The following SCN3B variants were observed in gnomAD, a reference collection of about 807,000 sequenced individuals.
SCN3B encodes the protein sodium voltage-gated channel beta subunit 3, also known as sodium channel regulatory subunit beta-3.
A neutral mutation model predicts 25.4 loss-of-function variants in SCN3B; 11 were observed. The ratio of observed to expected loss-of-function variants is 0.43; its 90% CI spans 0.27 to 0.72. SCN3B has a LOEUF of 0.72. SCN3B is among the 30% of genes least tolerant of loss of function. The pLI, the probability that SCN3B is intolerant of heterozygous loss-of-function variation, is 0.18. For missense variants in SCN3B, 218 were observed against 278.3 expected (o/e 0.78, Z 1.54); for synonymous variants, 109 against 110.7 (o/e 0.99, Z 0.09).
In SCN3B at chr11:123,633,046, T is replaced by C. The variant is rs1480556851; in HGVS notation, c.*753A>G. 6.6e-6 allele frequency: 1 copy of C among 152,210 alleles called. No homozygotes were observed. Among genetic ancestry groups the C allele is most frequent in the African/African-American group, 2.4e-5 (1 of 41,450 alleles). The allele number at this position is 152,210 out of a possible 1,614,324, so 9.4% of individuals were successfully genotyped here. On this transcript the variant is annotated 3_prime_UTR_variant, in exon 7 of 7. Transcript: ENST00000299333. ...CCACAGGGAGGGCACACATACATTATCGCAATAGGATCAGGAACGTGTCCA... is the reference window on the plus strand; with the variant it reads ...CCACAGGGAGGGCACACATACATTACCGCAATAGGATCAGGAACGTGTCCA...
intron 2 of SCN3B, among the ~76,000 whole-genome samples, chr11:123,651,892 C>G (rs1296053114): frequency 6.6e-6 from 1 of 152,206 alleles, no homozygotes; most frequent in Non-Finnish European, 1.5e-5. Context: ...TACCATTCAT[C>G]TGTGGAGCTG....
chr11:123,638,135 G>A, intron 5 of SCN3B, 51 bp downstream of exon 5: 1 of 1,608,498 alleles, frequency 6.2e-7, no homozygotes. Context: ...GTGAGAGCAA[G>A]CATTCTGAAG....
chr11:123,645,587 A>T lies in SCN3B; in HGVS notation c.219T>A (p.Leu73=). The change falls in exon 3 of 7, where the codon CTT becomes CTA. Residue 73 remains leucine (L), a splice_region_variant and synonymous_variant. Transcript: ENST00000299333. ...FYRPEGGKDF[L]IYEYRNGHQE... ...GGCCAGAGTCAGCAGTCTAACATAC[A>T]AGGAAATCTTTACCGCCCTCGGGCC... The T allele has an allele frequency of 6.2e-7, 1 of 1,614,104 alleles. No individual in the cohort carries two copies. The highest frequency in any genetic ancestry group is 8.5e-7 in the Non-Finnish European group (1 of 1,180,000).
intron 2 of SCN3B, 58 bp from the exon 3 acceptor site, chr11:123,645,808 G>A (rs1955848030): frequency 1.3e-6 from 2 of 1,580,442 alleles, no homozygotes; most frequent in Non-Finnish European, 1.7e-6. Context: ...AGGGGCACAG[G>A]AGAGAAACAT....
chr11:123,631,631 C>G lies in SCN3B; in HGVS notation c.*2168G>C, dbSNP rs1055233337. 3 of 152,066 alleles carry G rather than the reference C, an allele frequency of 2.0e-5. No individual in the cohort carries two copies. Among genetic ancestry groups the G allele is most frequent in the African/African-American group, 7.3e-5 (3 of 41,368 alleles). 9.4% of individuals were successfully genotyped at this position (152,066 alleles called of 1,614,324 possible). A position where few individuals can be genotyped will look rare whatever the true frequency, so the allele number is the denominator to read the frequency against. ...TTGCTTGAGCCCAGGAGTTCAAGAT[C>G]AGCCTGGGCGACATGGCAAGACCCC... On this transcript the variant is annotated 3_prime_UTR_variant, in exon 7 of 7. Coordinates refer to ENST00000299333, the MANE Select transcript of SCN3B (RefSeq NM_001040151.2).
intron 2 of SCN3B, among the ~76,000 whole-genome samples, chr11:123,652,361 TGA>T (rs1955936358): frequency 6.6e-6 from 1 of 152,238 alleles, no homozygotes; most frequent in East Asian, 1.9e-4. Context: ...CCTTTGGGGC[TGA>T]CATTACCTCC....
Position 123,654,398 on chromosome 11 carries a change from C to G in SCN3B, c.-198G>C, listed in dbSNP as rs570399225. On this transcript the variant is annotated 5_prime_UTR_variant, in exon 1 of 7. Transcript: ENST00000299333. ...TCCACGTCGGTCCCGTCCACGCCCG[C>G]CCTCGGCTCCCTGGGGAGGTGCAGC... 1 of 156,888 alleles carries G rather than the reference C, an allele frequency of 6.4e-6. No homozygotes were observed. Among genetic ancestry groups the G allele is most frequent in the African/African-American group, 2.4e-5 (1 of 41,630 alleles). 9.7% of individuals were successfully genotyped at this position (156,888 alleles called of 1,614,324 possible).
chr11:123,635,870 C>T (rs548749390), intron 5 of SCN3B, among the ~76,000 whole-genome samples: 5 of 152,292 alleles, frequency 3.3e-5, no homozygotes, highest in African/African-American at 7.2e-5. Context: ...GGACCTATGG[C>T]GCCTGCAAAG....
At chr11:123,638,519 G>A (rs1955754301) in intron 4 of SCN3B, 195 bp from the exon 5 acceptor site, 1 of 690,390 alleles carries the variant, frequency 1.4e-6, no homozygotes. Flanking sequence ...AGGAGCCAGG[G>A]AAGAGGGAGT....
chr11:123,647,989 A>G (rs568948274), intron 2 of SCN3B, among the ~76,000 whole-genome samples: 21 of 152,374 alleles, frequency 1.4e-4, no homozygotes, highest in Non-Finnish European at 2.9e-4. Flanking sequence ...GATCAGAAAC[A>G]TCTTCAGCAT....
intron 2 of SCN3B, among the ~76,000 whole-genome samples, chr11:123,648,268 A>G (rs145946902): frequency 3.2e-4 from 48 of 152,346 alleles, no homozygotes; most frequent in African/African-American, 1.0e-3. Flanking sequence ...CTGGCAACTG[A>G]AGAGTTGGGT....
chr11:123,641,628 C>T (rs1314875916), intron 4 of SCN3B, among the ~76,000 whole-genome samples: 5 of 152,048 alleles, frequency 3.3e-5, no homozygotes, highest in East Asian at 1.9e-4. Flanking sequence ...TGCAGGACTC[C>T]GGTTGCAACA....
chr11:123,637,416 C>G (rs1325004084), intron 5 of SCN3B, among the ~76,000 whole-genome samples: 1 of 152,202 alleles, frequency 6.6e-6, no homozygotes. Flanking sequence ...GACCTGGGTT[C>G]AAATCTCAGC....
In SCN3B at chr11:123,644,784, AGAGAGAGAGAGAGAGAATATATATATAT is replaced by A. The variant is rs1955828229; in HGVS notation, c.219+775_219+802del. Among the ~76,000 whole-genome samples, 11 of 96,666 alleles carry A rather than the reference AGAGAGAGAGAGAGAGAATATATATATAT, an allele frequency of 1.1e-4. 2 individuals are homozygous for A. In the South Asian group the frequency reaches 4.8e-3, roughly 43 times the overall value. The allele number at this position is 96,666 out of a possible 152,430, so 63.4% of individuals were successfully genotyped here. On this transcript the variant is annotated intron_variant, in intron 3 of 6. Coordinates refer to ENST00000299333, the MANE Select transcript of SCN3B (RefSeq NM_001040151.2). ...ACCCCGTTGAGAGAGAGAGAGAGAG[AGAGAGAGAGAGAGAGAATATATATATAT>A]ATATATATATATATATATATATATA...
intron 2 of SCN3B, among the ~76,000 whole-genome samples, chr11:123,652,451 C>T (rs139135303): frequency 6.6e-6 from 1 of 152,260 alleles, no homozygotes; most frequent in African/African-American, 2.4e-5. Flanking sequence ...ATGCAAAATC[C>T]AGATAATGCT....
chr11:123,650,512 C>T (rs1955911668), intron 2 of SCN3B, among the ~76,000 whole-genome samples: 2 of 152,026 alleles, frequency 1.3e-5, no homozygotes. Flanking sequence ...CGAAAGATCA[C>T]CAGGGGAAGA....
chr11:123,644,790 AGAGAGAGAGAATATATATATAT>A (rs1565496744), intron 3 of SCN3B, among the ~76,000 whole-genome samples: 2 of 83,300 alleles, frequency 2.4e-5, no homozygotes, highest in Admixed American at 1.9e-4. Context: ...AGAGAGAGAG[AGAGAGAGAGAATATATATATAT>A]ATATATATAT....
chr11:123,651,071 A>G (rs1955919488), intron 2 of SCN3B, among the ~76,000 whole-genome samples: 2 of 151,636 alleles, frequency 1.3e-5, no homozygotes, highest in South Asian at 4.2e-4. Context: ...AATTTTTTTA[A>G]TACAATTATT....
At chr11:123,653,630 T>C (rs1003050865) in intron 2 of SCN3B, 117 bp downstream of exon 2, 53 of 1,179,650 alleles carry the variant, frequency 4.5e-5, no homozygotes, top group Non-Finnish European at 5.8e-5. Context: ...GTCTGGCAGA[T>C]ACGCACAGAG....
Sources: allele counts gnomAD v4.1 joint callset (sites outside exome capture counted in the v4.1 genomes callset), GRCh38; gene constraint gnomAD v4.1.1; transcripts MANE v1.5; gene names NCBI Gene and HGNC (gene_info 2026-07-23, HGNC 2026-07-21).